Variants in TLK2 observed in about 807,000 individuals in gnomAD.
The protein encoded by TLK2 is tousled like kinase 2, also known as serine/threonine-protein kinase tousled-like 2.
In TLK2, 6 loss-of-function variants were observed where a neutral mutation model predicts 117.3. The observed-to-expected ratio is 0.05, with a 90% CI of 0.03 to 0.10. The LOEUF (loss-of-function observed/expected upper bound fraction) is 0.10. Among genes scored for constraint, TLK2 ranks in the 10% least tolerant of loss-of-function variants. The pLI, the probability that TLK2 is intolerant of heterozygous loss-of-function variation, is 1.00. For missense variants in TLK2, 299 were observed against 901.2 expected, an observed-to-expected ratio of 0.33 and a Z score of 8.56; for synonymous variants, 257 against 316.7, an observed-to-expected ratio of 0.81 and a Z score of 2.00.
At chr17:62,527,820 G>A (rs1020570448) in intron 6 of TLK2, among the ~76,000 whole-genome samples, 35 of 151,548 alleles carry the variant, frequency 2.3e-4, no homozygotes, top group Admixed American at 1.3e-4. Flanking sequence ...TTGGTTCACC[G>A]CAACCTCCGC....
chr17:62,477,064 C>A (rs2071070447), upstream of TLK2, among the ~76,000 whole-genome samples: 1 of 151,854 alleles, frequency 6.6e-6, no homozygotes, highest in Non-Finnish European at 1.5e-5. Flanking sequence ...GCACTCCAGC[C>A]TGGGCGACAG....
chr17:62,561,859 G>T (rs2079305821), intron 10 of TLK2, among the ~76,000 whole-genome samples: 1 of 152,156 alleles, frequency 6.6e-6, no homozygotes, highest in Non-Finnish European at 1.5e-5. Flanking sequence ...TCAGCCAGTT[G>T]TTCTAAACTC....
intron 2 of TLK2, chr17:62,516,340 C>T (rs1360958060): frequency 1.3e-5 from 19 of 1,420,322 alleles, no homozygotes; most frequent in South Asian, 1.2e-4. Flanking sequence ...TGGCTGACCA[C>T]GTCCACAACC....
intron 2 of TLK2, among the ~76,000 whole-genome samples, chr17:62,495,577 G>C (rs533703176): frequency 2.7e-5 from 4 of 150,326 alleles, no homozygotes; most frequent in South Asian, 2.1e-4. Context: ...ACCACGCCTG[G>C]CTGAGGCGTG....
chr17:62,482,706 T>G (rs1184019530), intron 2 of TLK2, among the ~76,000 whole-genome samples: 5 of 152,118 alleles, frequency 3.3e-5, no homozygotes, highest in African/African-American at 1.2e-4. Context: ...CCTGTCTTGG[T>G]GTTCCAAAGT....
intron 2 of TLK2, among the ~76,000 whole-genome samples, chr17:62,510,579 G>T (rs2075066269): frequency 6.6e-6 from 1 of 152,194 alleles, no homozygotes; most frequent in South Asian, 2.1e-4. Context: ...ATAGCAAGGT[G>T]TCAGCAGGTT....
In TLK2 at chr17:62,614,240, A is replaced by C. The variant is rs2083978541; in HGVS notation, c.*1675A>C. On this transcript the variant is annotated 3_prime_UTR_variant, in exon 22 of 22. Coordinates refer to ENST00000346027, the MANE Select transcript of TLK2 (RefSeq NM_006852.6). ...GAGATGTATGATCAACTGAAGATGG[A>C]GCTGAAATGGGAGACGGGTGGCCCC... 6.6e-6 allele frequency: 1 copy of C among 151,826 alleles called. No homozygotes were observed. Among genetic ancestry groups the C allele is most frequent in the Non-Finnish European group, 1.5e-5 (1 of 67,996 alleles). 9.4% of individuals were successfully genotyped at this position (151,826 alleles called of 1,614,324 possible).
At chr17:62,557,990 C>A (rs565673522) in intron 9 of TLK2, among the ~76,000 whole-genome samples, 3 of 152,170 alleles carry the variant, frequency 2.0e-5, no homozygotes, top group African/African-American at 7.2e-5. Flanking sequence ...GGGCAGCTGC[C>A]TTGTTTTTAG....
At chr17:62,563,886 G>T (rs895469058) in intron 10 of TLK2, among the ~76,000 whole-genome samples, 3 of 152,116 alleles carry the variant, frequency 2.0e-5, no homozygotes, top group Non-Finnish European at 4.4e-5. Flanking sequence ...ATCTTCTAGC[G>T]CATTGAGGGG....
chr17:62,601,392 A>G (rs756852607), intron 18 of TLK2, among the ~76,000 whole-genome samples: 3 of 152,214 alleles, frequency 2.0e-5, no homozygotes, highest in Non-Finnish European at 4.4e-5. Flanking sequence ...TAGCTTGGGC[A>G]TTAGGAAGAT....
upstream of TLK2, among the ~76,000 whole-genome samples, chr17:62,474,370 G>A (rs554265159): frequency 4.0e-5 from 6 of 150,316 alleles, no homozygotes; most frequent in South Asian, 1.3e-3. Flanking sequence ...GAGCCACCGC[G>A]CCCGGCCCTG....
At chr17:62,485,418 T>C (rs2072223239) in intron 2 of TLK2, among the ~76,000 whole-genome samples, 1 of 152,204 alleles carries the variant, frequency 6.6e-6, no homozygotes. Context: ...TAAAACAAAA[T>C]GGCCAAATCT....
At chr17:62,478,606 G>T (rs959133919), upstream of TLK2, among the ~76,000 whole-genome samples, 2 of 150,728 alleles carry the variant, frequency 1.3e-5, no homozygotes, top group African/African-American at 4.8e-5. Flanking sequence ...TTCCTCCGCC[G>T]GCGCGGGGTC....
intron 10 of TLK2, among the ~76,000 whole-genome samples, chr17:62,560,575 A>T (rs560313962): frequency 3.9e-5 from 6 of 152,146 alleles, no homozygotes; most frequent in African/African-American, 1.4e-4. Context: ...CCTGCATATG[A>T]TTACTTAATT....
chr17:62,569,914 G>T (rs1381118627), intron 11 of TLK2, among the ~76,000 whole-genome samples: 1 of 152,120 alleles, frequency 6.6e-6, no homozygotes, highest in Non-Finnish European at 1.5e-5. Flanking sequence ...TGAAATCAAG[G>T]TGGGGCAGGA....
chr17:62,563,140 T>C (rs1190575271), intron 10 of TLK2, among the ~76,000 whole-genome samples: 1 of 152,224 alleles, frequency 6.6e-6, no homozygotes, highest in Admixed American at 6.5e-5. Flanking sequence ...GAATTTCTCA[T>C]AATAGAACAG....
chr17:62,596,211 G>A (rs2082469650), intron 16 of TLK2, among the ~76,000 whole-genome samples: 1 of 152,122 alleles, frequency 6.6e-6, no homozygotes, highest in Admixed American at 6.6e-5. Context: ...GAGTAGCTGG[G>A]ACCACAGGTG....
rs908906892 is a variant in TLK2 at position 62,583,269 on chromosome 17, A to G, written c.1369-2866A>G. On this transcript the variant is annotated intron_variant, in intron 15 of 21. Transcript: ENST00000346027. Reference sequence around the variant, plus strand: ...CACCAAGCCCAGCTATTTTTTTTGTATTTTTAGTAGAGACGGGATTTCACT... The same window carrying G: ...CACCAAGCCCAGCTATTTTTTTTGTGTTTTTAGTAGAGACGGGATTTCACT... 3.3e-5 allele frequency among the ~76,000 whole-genome samples: 5 copies of G among 151,692 alleles called. No individual in the cohort carries two copies. The East Asian group carries it at 9.7e-4, about 30-fold the overall frequency.
intron 1 of TLK2, among the ~76,000 whole-genome samples, chr17:62,472,241 C>T (rs2070956891): frequency 6.6e-6 from 1 of 151,902 alleles, no homozygotes; most frequent in Non-Finnish European, 1.5e-5. Flanking sequence ...AAAGAAATTC[C>T]TGTGTAAGCC....
Sources: allele counts gnomAD v4.1 joint callset (sites outside exome capture counted in the v4.1 genomes callset), GRCh38; gene constraint gnomAD v4.1.1; transcripts MANE v1.5; gene names NCBI Gene and HGNC (gene_info 2026-07-23, HGNC 2026-07-21).